Variants in ANXA13 observed in about 807,000 individuals in gnomAD.
ANXA13 encodes annexin A13, also known as annexin XIII.
In ANXA13, 36 loss-of-function variants were observed where a neutral mutation model predicts 46.6. The observed-to-expected ratio is 0.77, with a 90% CI of 0.59 to 1.02. The LOEUF (loss-of-function observed/expected upper bound fraction) is 1.02, where lower values mean the gene tolerates loss of function less well. ANXA13 is among the 50% of genes least tolerant of loss of function. ANXA13 has a pLI of 0.00. For synonymous variants in ANXA13, 163 were observed against 152.9 expected, an observed-to-expected ratio of 1.07 and a Z score of -0.49; for missense variants, 417 against 396.5, an observed-to-expected ratio of 1.05 and a Z score of -0.44.
chr8:123,703,926 A>G (rs1813494044), intron 2 of ANXA13, among the ~76,000 whole-genome samples: 2 of 152,132 alleles, frequency 1.3e-5, no homozygotes, highest in African/African-American at 2.4e-5. Flanking sequence ...CCCACATTAG[A>G]TTTATTCAGG....
At chr8:123,725,669 GA>G (rs970496207) in intron 1 of ANXA13, among the ~76,000 whole-genome samples, 1 of 152,122 alleles carries the variant, frequency 6.6e-6, no homozygotes, top group African/African-American at 2.4e-5. Flanking sequence ...CTACCCAACA[GA>G]AAAAAATATA....
At chr8:123,716,414 C>T (rs1190183302) in intron 1 of ANXA13, among the ~76,000 whole-genome samples, 1 of 152,090 alleles carries the variant, frequency 6.6e-6, no homozygotes, top group East Asian at 1.9e-4. Flanking sequence ...ATCAGAGGCG[C>T]CACCATCAGC....
At chr8:123,697,373 GTGCT>G (rs1813360413) in intron 4 of ANXA13, among the ~76,000 whole-genome samples, 1 of 152,142 alleles carries the variant, frequency 6.6e-6, no homozygotes, top group African/African-American at 2.4e-5. Context: ...CGGGGGGCCT[GTGCT>G]AACCCTCCTC....
At chr8:123,685,845 G>C (rs1481715975) in intron 9 of ANXA13, among the ~76,000 whole-genome samples, 2 of 152,130 alleles carry the variant, frequency 1.3e-5, no homozygotes, top group African/African-American at 4.8e-5. Flanking sequence ...GTGGTTCAGG[G>C]GAAACTTGCA....
In ANXA13 at chr8:123,681,183, G is replaced by A; in HGVS notation, c.*57C>T. On this transcript the variant is annotated 3_prime_UTR_variant, in exon 11 of 11. Transcript: ENST00000419625. ...GGAGTCTCATTTGCAAGTTTGATTT[G>A]GAATGTGCTCTTGACAAAGGCGGTT... The A allele has an allele frequency of 6.5e-7, 1 of 1,532,156 alleles. No individual in the cohort carries two copies. The highest frequency in any genetic ancestry group is 2.3e-5 in the East Asian group (1 of 43,572). 94.9% of individuals were successfully genotyped at this position (1,532,156 alleles called of 1,614,324 possible).
chr8:123,732,284 A>G (rs1052045268), intron 1 of ANXA13, among the ~76,000 whole-genome samples: 4 of 152,212 alleles, frequency 2.6e-5, no homozygotes, highest in African/African-American at 7.2e-5. Flanking sequence ...GTGAAGACCA[A>G]ATGACGTAAC....
chr8:123,705,130 T>C (rs6470177), intron 2 of ANXA13, among the ~76,000 whole-genome samples: 135,178 of 152,208 alleles, frequency 0.89, 60,541 homozygotes, highest in African/African-American at 0.96. Context: ...TGAGGGCCCA[T>C]CAGTCTTTTT....
chr8:123,732,303 A>C (rs1814133224), intron 1 of ANXA13, among the ~76,000 whole-genome samples: 1 of 152,200 alleles, frequency 6.6e-6, no homozygotes, highest in Non-Finnish European at 1.5e-5. Context: ...ACACATGTGA[A>C]GTGCTTGGTG....
rs1813206072 is a variant in ANXA13, at chr8:123,690,064, G to C, written c.643-1118C>G. On this transcript the variant is annotated intron_variant, in intron 8 of 10. Transcript: ENST00000419625. The surrounding 1 kb of genome is among the most constrained non-coding windows in gnomAD (Gnocchi z 4.6). ...TGGCAATAGAAACCAGATTAGAAGA[G>C]TGGGGGAACTGTCCCTTCCTTAGCT... is the stretch of plus-strand genomic sequence containing the variant. Among the ~76,000 whole-genome samples the C allele has an allele frequency of 6.6e-6, 1 of 152,140 alleles. No homozygotes were observed. Among genetic ancestry groups the C allele is most frequent in the African/African-American group, 2.4e-5 (1 of 41,420 alleles).
intron 1 of ANXA13, among the ~76,000 whole-genome samples, chr8:123,717,380 C>T (rs1813776614): frequency 6.6e-6 from 1 of 152,144 alleles, no homozygotes. Flanking sequence ...GATAAGATTT[C>T]ATAAAAGTGA....
At chr8:123,716,797 C>T (rs914693794) in intron 1 of ANXA13, among the ~76,000 whole-genome samples, 2 of 152,176 alleles carry the variant, frequency 1.3e-5, no homozygotes, top group African/African-American at 4.8e-5. Context: ...AGACAGCTGA[C>T]GATGGGCCTC....
At chr8:123,706,913 C>T (rs995069848) in intron 2 of ANXA13, among the ~76,000 whole-genome samples, 1 of 152,224 alleles carries the variant, frequency 6.6e-6, no homozygotes, top group Non-Finnish European at 1.5e-5. Context: ...TTTGCATGGG[C>T]TGTTCCCCTC....
At chr8:123,719,155 C>T (rs1363488126) in intron 1 of ANXA13, among the ~76,000 whole-genome samples, 1 of 152,218 alleles carries the variant, frequency 6.6e-6, no homozygotes, top group Admixed American at 6.5e-5. Context: ...CAGAAATACA[C>T]TCACTTAAGT....
intron 2 of ANXA13, among the ~76,000 whole-genome samples, chr8:123,709,514 G>A (rs548489715): frequency 6.6e-6 from 1 of 151,960 alleles, no homozygotes; most frequent in South Asian, 2.1e-4. Flanking sequence ...ACGCATTGAT[G>A]CCTGAGGTTG....
intron 10 of ANXA13, among the ~76,000 whole-genome samples, chr8:123,683,407 C>T (rs1295617044): frequency 6.7e-6 from 1 of 149,326 alleles, no homozygotes; most frequent in Non-Finnish European, 1.5e-5. Context: ...CCCTTCACCT[C>T]CCCCTTCATT....
At chr8:123,733,597 C>T (rs913825227) in intron 1 of ANXA13, among the ~76,000 whole-genome samples, 6 of 152,204 alleles carry the variant, frequency 3.9e-5, no homozygotes, top group Admixed American at 2.6e-4. Flanking sequence ...TCACAAACAA[C>T]GTGGCAGACC....
chr8:123,722,117 C>A (rs1813886083), intron 1 of ANXA13, among the ~76,000 whole-genome samples: 1 of 151,986 alleles, frequency 6.6e-6, no homozygotes, highest in African/African-American at 2.4e-5. Flanking sequence ...CCAGCCTGGG[C>A]AACATAATGA....
intron 1 of ANXA13, among the ~76,000 whole-genome samples, chr8:123,720,183 C>T (rs1813834709): frequency 6.6e-6 from 1 of 152,104 alleles, no homozygotes; most frequent in Non-Finnish European, 1.5e-5. Flanking sequence ...CCAGGAGGGG[C>T]CCCCGGGAAG....
At chr8:123,713,999 A>G (rs1813711340) in intron 1 of ANXA13, among the ~76,000 whole-genome samples, 1 of 152,022 alleles carries the variant, frequency 6.6e-6, no homozygotes, top group Admixed American at 6.5e-5. Flanking sequence ...CGGCATGTCC[A>G]TATATTTTCC....
Sources: allele counts gnomAD v4.1 joint callset (sites outside exome capture counted in the v4.1 genomes callset), GRCh38; gene constraint gnomAD v4.1.1; non-coding constraint Gnocchi (gnomAD v3.1); transcripts MANE v1.5; gene names NCBI Gene and HGNC (gene_info 2026-07-23, HGNC 2026-07-21).